The following TMPRSS12 variants were observed in gnomAD, a reference collection of about 807,000 sequenced individuals.
TMPRSS12 encodes the protein transmembrane serine protease 12, also known as transmembrane protease serine 12.
Under a neutral mutation model 26.0 loss-of-function variants are expected in TMPRSS12, and 25 were observed. The observed-to-expected ratio is 0.96, with a 90% CI of 0.70 to 1.34. The LOEUF is 1.34. Among genes scored for constraint, TMPRSS12 ranks in the 40% most tolerant of loss-of-function variants. The probability of loss-of-function intolerance (pLI) is 0.00; values close to 1 mark genes in which losing one functional copy is unlikely to be tolerated. For missense variants in TMPRSS12, 441 were observed against 440.1 expected, an observed-to-expected ratio of 1.00 and a Z score of -0.02; for synonymous variants, 150 against 161.7, an observed-to-expected ratio of 0.93 and a Z score of 0.55.
intron 3 of TMPRSS12, among the ~76,000 whole-genome samples, chr12:50,873,044 G>A (rs1367766230): frequency 6.6e-6 from 1 of 151,466 alleles, no homozygotes; most frequent in African/African-American, 2.4e-5. Flanking sequence ...GCAGCGACCT[G>A]GATGAGATTG....
At chr12:50,853,288 G>A (rs2139722141) in intron 2 of TMPRSS12, among the ~76,000 whole-genome samples, 1 of 152,044 alleles carries the variant, frequency 6.6e-6, no homozygotes, top group African/African-American at 2.4e-5. Flanking sequence ...CAAAAACAAG[G>A]ATACAACATA....
intron 1 of TMPRSS12, 39 bp downstream of exon 1, chr12:50,843,190 T>C: frequency 6.7e-7 from 1 of 1,503,516 alleles, no homozygotes; most frequent in Non-Finnish European, 8.9e-7. Context: ...GAGCCTCTCT[T>C]ACCTTTTCCC....
intron 2 of TMPRSS12, among the ~76,000 whole-genome samples, chr12:50,857,913 C>T (rs565448659): frequency 6.6e-6 from 1 of 152,212 alleles, no homozygotes; most frequent in African/African-American, 2.4e-5. Flanking sequence ...ACTGCAAGCC[C>T]CGCCTCCCGG....
intron 3 of TMPRSS12, among the ~76,000 whole-genome samples, chr12:50,862,527 T>A (rs900301972): frequency 2.4e-4 from 37 of 151,138 alleles, no homozygotes; most frequent in Admixed American, 2.4e-3. Flanking sequence ...ACCCAGCATA[T>A]AATTTTTTTT....
chr12:50,855,457 G>C (rs1325633679), intron 2 of TMPRSS12, among the ~76,000 whole-genome samples: 3 of 152,146 alleles, frequency 2.0e-5, no homozygotes, highest in Non-Finnish European at 4.4e-5. Flanking sequence ...ATGAAAAAAT[G>C]CTCAACATCA....
At chr12:50,870,851 C>CA (rs55702806) in intron 3 of TMPRSS12, among the ~76,000 whole-genome samples, 5,518 of 138,650 alleles carry the variant, frequency 0.04, 316 homozygotes, top group African/African-American at 0.14. Context: ...ATGATAGTTG[C>CA]AAAAAAAAAA....
intron 2 of TMPRSS12, among the ~76,000 whole-genome samples, chr12:50,847,637 T>G (rs912835550): frequency 6.6e-6 from 1 of 152,066 alleles, no homozygotes; most frequent in Non-Finnish European, 1.5e-5. Flanking sequence ...GGCTCACACC[T>G]GTAATCCCAG....
chr12:50,843,885 G>T lies in TMPRSS12; in HGVS notation c.231G>T (p.Arg77=). 2 of 1,567,430 alleles carry T rather than the reference G, an allele frequency of 1.3e-6. No homozygotes were observed. Among genetic ancestry groups the T allele is most frequent in the South Asian group, 2.3e-5 (2 of 85,218 alleles). ...APLKDVLQGS[R]IIGGTEAQAG... is the part of the protein sequence containing the mutation. ...TTAAGGATGTGTTGCAAGGGTCTCG[G>T]ATTATAGGGGGCACCGAAGCACAAG... Residue 77 remains arginine (R), a synonymous_variant, in exon 2 of 5, where the codon CGG becomes CGT. Coordinates refer to ENST00000398458, the MANE Select transcript of TMPRSS12 (RefSeq NM_182559.3).
chr12:50,844,267 A>G (rs1398222615), intron 2 of TMPRSS12, among the ~76,000 whole-genome samples: 3 of 152,110 alleles, frequency 2.0e-5, no homozygotes, highest in Non-Finnish European at 4.4e-5. Context: ...ACATAGGTAT[A>G]CATGTCCATG....
chr12:50,866,506 T>C (rs1361736009), intron 3 of TMPRSS12, among the ~76,000 whole-genome samples: 1 of 151,126 alleles, frequency 6.6e-6, no homozygotes, highest in Non-Finnish European at 1.5e-5. Flanking sequence ...AGCTCAGACA[T>C]GCCTAGCCCC....
chr12:50,885,824 CTTTTT>C, intron 4 of TMPRSS12: 1 of 187,988 alleles, frequency 5.3e-6, no homozygotes. Context: ...CCCGGCCATT[CTTTTT>C]TTTTTTTTTT....
intron 2 of TMPRSS12, chr12:50,848,130 G>A (rs1937791302): frequency 6.6e-6 from 1 of 151,008 alleles, no homozygotes; most frequent in Admixed American, 6.6e-5. Context: ...TGGAAACTCT[G>A]TTGGAAAGTT....
intron 3 of TMPRSS12, among the ~76,000 whole-genome samples, chr12:50,863,719 T>C (rs893871343): frequency 6.6e-6 from 1 of 152,202 alleles, no homozygotes; most frequent in African/African-American, 2.4e-5. Flanking sequence ...GACAAAATTA[T>C]GCAGACAGAG....
Position 50,887,491 on chromosome 12 carries a change from T to G in TMPRSS12, c.1025T>G (p.Val342Gly). ...CAGATCCTCATAGCTTTATGTTTTG[T>G]CATCTTACTAGCAACAACATAAAGA... ...RGQILIALCF[V>G]ILLATT is the part of the protein sequence containing the mutation. The change falls in exon 5 of 5, where the codon GTC (valine) becomes GGC (glycine). Residue 342 changes from valine to glycine, a missense_variant. By Grantham distance (109) the Val-to-Gly change is moderately radical. Coordinates refer to ENST00000398458, the MANE Select transcript of TMPRSS12 (RefSeq NM_182559.3). The G allele has an allele frequency of 6.2e-7, 1 of 1,613,142 alleles. No individual in the cohort carries two copies. The highest frequency in any genetic ancestry group is 8.5e-7 in the Non-Finnish European group (1 of 1,179,572).
intron 3 of TMPRSS12, 50 bp downstream of exon 3, chr12:50,859,103 G>C: frequency 5.4e-6 from 8 of 1,479,704 alleles, no homozygotes; most frequent in Non-Finnish European, 7.2e-6. Context: ...ATTATGGGCA[G>C]AGGAAGGTCA....
At chr12:50,872,757 T>C (rs1225045258) in intron 3 of TMPRSS12, among the ~76,000 whole-genome samples, 4 of 129,600 alleles carry the variant, frequency 3.1e-5, no homozygotes, top group African/African-American at 8.9e-5. Context: ...TCTATATATG[T>C]ACATATATAT....
At chr12:50,869,507 T>A (rs1938022372) in intron 3 of TMPRSS12, among the ~76,000 whole-genome samples, 1 of 152,088 alleles carries the variant, frequency 6.6e-6, no homozygotes, top group African/African-American at 2.4e-5. Flanking sequence ...AATGGTAATT[T>A]AAAAATTACC....
chr12:50,854,798 T>G (rs2139723051), intron 2 of TMPRSS12, among the ~76,000 whole-genome samples: 1 of 152,248 alleles, frequency 6.6e-6, no homozygotes, highest in African/African-American at 2.4e-5. Context: ...AAAACACTTC[T>G]GAAAGAAATC....
At chr12:50,858,269 C>T (rs531349671) in intron 2 of TMPRSS12, among the ~76,000 whole-genome samples, 138 of 152,324 alleles carry the variant, frequency 9.1e-4, no homozygotes, top group South Asian at 2.5e-3. Flanking sequence ...CCTAGCTTCC[C>T]GTTATCAACT....
Sources: gnomAD v4.1 joint callset for allele counts (sites outside exome capture counted in the v4.1 genomes callset) on GRCh38, gnomAD v4.1.1 for gene constraint, MANE v1.5 for transcripts, NCBI Gene and HGNC (gene_info 2026-07-23, HGNC 2026-07-21) for gene names.